The following GLMN variants were observed in gnomAD, a reference collection of about 807,000 sequenced individuals.
GLMN encodes glomulin, FKBP associated protein.
In GLMN, 75 loss-of-function variants were observed where a neutral mutation model predicts 87.8. The ratio of observed to expected loss-of-function variants is 0.85; its 90% CI spans 0.71 to 1.04. The LOEUF (loss-of-function observed/expected upper bound fraction) is 1.04. Ranked by LOEUF, GLMN falls within the 50% of genes least tolerant of loss-of-function variation. The pLI is 0.00. For synonymous variants in GLMN, 206 were observed against 221.6 expected, an observed-to-expected ratio of 0.93 and a Z score of 0.63; for missense variants, 588 against 658.8, an observed-to-expected ratio of 0.89 and a Z score of 1.18.
At chr1:92,301,734 TA>T, upstream of GLMN, 1 of 423,232 alleles carries the variant, frequency 2.4e-6, no homozygotes. Context: ...TTCATGCATT[TA>T]AAAATAAACA....
the GLMN span, among the ~76,000 whole-genome samples, chr1:92,336,989 A>T: frequency 6.6e-6 from 1 of 152,160 alleles, no homozygotes; most frequent in Admixed American, 6.5e-5. Context: ...CAAGATAAAA[A>T]TACTCACTCA....
the GLMN span, chr1:92,320,654 AT>A: frequency 6.3e-7 from 1 of 1,579,462 alleles, no homozygotes; most frequent in Admixed American, 1.7e-5. Flanking sequence ...AATCAGTATC[AT>A]TTACCATTTA....
chr1:92,254,525 T>G (rs776319734), intron 16 of GLMN, among the ~76,000 whole-genome samples: 3 of 152,174 alleles, frequency 2.0e-5, no homozygotes, highest in Non-Finnish European at 4.4e-5. Context: ...AGAGAAAGGC[T>G]GGGTTACCCA....
chr1:92,298,681 C>T (rs1432120442), intron 1 of GLMN, among the ~76,000 whole-genome samples: 2 of 152,146 alleles, frequency 1.3e-5, no homozygotes, highest in South Asian at 2.1e-4. Context: ...AAGGCTCGGC[C>T]CCAAGCCCTC....
chr1:92,250,801 T>G (rs1355304856), intron 16 of GLMN, among the ~76,000 whole-genome samples: 8 of 152,164 alleles, frequency 5.3e-5, no homozygotes, highest in Admixed American at 6.5e-5. Context: ...GCCTAGTTCT[T>G]TTCTTTTTAT....
the GLMN span, among the ~76,000 whole-genome samples, chr1:92,350,876 G>A: frequency 1.3e-5 from 2 of 152,118 alleles, no homozygotes; most frequent in African/African-American, 4.8e-5. Context: ...AGGTTGTAGT[G>A]AGCTGAGATG....
the GLMN span, among the ~76,000 whole-genome samples, chr1:92,320,827 T>G: frequency 2.0e-5 from 3 of 152,240 alleles, no homozygotes; most frequent in Non-Finnish European, 4.4e-5. Flanking sequence ...GTGTTTGATC[T>G]GTATGATTTA....
chr1:92,357,541 T>G, the GLMN span, among the ~76,000 whole-genome samples: 23 of 152,194 alleles, frequency 1.5e-4, no homozygotes, highest in Non-Finnish European at 1.2e-4. Context: ...GATGGATTTT[T>G]TTTGTTTGTT....
At chr1:92,304,557 C>T in the GLMN span, among the ~76,000 whole-genome samples, 2 of 152,024 alleles carry the variant, frequency 1.3e-5, no homozygotes, top group Non-Finnish European at 2.9e-5. Flanking sequence ...TTTGCTTAAG[C>T]TTCAATTAAG....
the GLMN span, among the ~76,000 whole-genome samples, chr1:92,356,683 C>T: frequency 6.6e-6 from 1 of 151,516 alleles, no homozygotes; most frequent in Non-Finnish European, 1.5e-5. Flanking sequence ...GATCTGCCCA[C>T]CTCAGCCTTC....
intron 8 of GLMN, among the ~76,000 whole-genome samples, chr1:92,270,786 C>T (rs1656159534): frequency 1.3e-5 from 2 of 152,090 alleles, no homozygotes; most frequent in Non-Finnish European, 2.9e-5. Flanking sequence ...AGGCTTTCTT[C>T]AGAAAGTGAC....
In GLMN at chr1:92,247,981, T is replaced by C. The variant is rs150536401; in HGVS notation, c.1482A>G (p.Leu494=). The change falls in exon 17 of 19, where the codon TTA becomes TTG. Residue 494 remains leucine, a synonymous_variant. Coordinates refer to ENST00000370360, the MANE Select transcript of GLMN (RefSeq NM_053274.3). ...KDNENDNQTG[L]WTELGNIENN... ...TCTCAATATTTCCAAGTTCTGTCCATAATCCAGTCTGTTAAGAATGAAAGA... is the reference window on the plus strand; with the variant it reads ...TCTCAATATTTCCAAGTTCTGTCCACAATCCAGTCTGTTAAGAATGAAAGA... The C allele has an allele frequency of 1.7e-6, 2 of 1,193,080 alleles. No individual in the cohort carries two copies. Among genetic ancestry groups the C allele is most frequent in the South Asian group, 2.4e-5 (2 of 82,472 alleles). The allele number at this position is 1,193,080 out of a possible 1,614,324, so 73.9% of individuals were successfully genotyped here.
chr1:92,361,905 C>T, the GLMN span, among the ~76,000 whole-genome samples: 38 of 152,180 alleles, frequency 2.5e-4, no homozygotes, highest in East Asian at 6.2e-3. Flanking sequence ...ATCACCAGGT[C>T]GATAGAGGTG....
chr1:92,247,498 A>C (rs1370549746), intron 17 of GLMN, among the ~76,000 whole-genome samples: 1 of 152,180 alleles, frequency 6.6e-6, no homozygotes, highest in Non-Finnish European at 1.5e-5. Flanking sequence ...AGATCACACG[A>C]TTATTATAGA....
the GLMN span, among the ~76,000 whole-genome samples, chr1:92,306,370 T>C: frequency 1.1e-4 from 16 of 152,218 alleles, no homozygotes; most frequent in African/African-American, 3.9e-4. Flanking sequence ...TTTTAGATTA[T>C]GTATATTTTA....
chr1:92,344,078 C>T, the GLMN span, among the ~76,000 whole-genome samples: 1 of 152,056 alleles, frequency 6.6e-6, no homozygotes, highest in Admixed American at 6.6e-5. Context: ...CTGCCATAAA[C>T]AATATTTAGT....
At chr1:92,304,911 G>A in the GLMN span, among the ~76,000 whole-genome samples, 2 of 151,090 alleles carry the variant, frequency 1.3e-5, no homozygotes, top group African/African-American at 2.4e-5. Context: ...CAAGGGGGGC[G>A]GATTACCTGA....
chr1:92,258,769 G>A (rs1454904754), intron 16 of GLMN, among the ~76,000 whole-genome samples: 1 of 152,090 alleles, frequency 6.6e-6, no homozygotes, highest in African/African-American at 2.4e-5. Flanking sequence ...GGGGGCTAGG[G>A]GAGGGGTATT....
chr1:92,312,668 T>G, the GLMN span, among the ~76,000 whole-genome samples: 23 of 152,184 alleles, frequency 1.5e-4, 1 homozygote, highest in Admixed American at 1.5e-3. Flanking sequence ...AATTCTTATC[T>G]TGCTATTTCC....
Sources: allele counts gnomAD v4.1 joint callset (sites outside exome capture counted in the v4.1 genomes callset), GRCh38; gene constraint gnomAD v4.1.1; transcripts MANE v1.5; gene names NCBI Gene and HGNC (gene_info 2026-07-23, HGNC 2026-07-21).